The following MBTPS1 variants were observed in gnomAD, a reference collection of about 807,000 sequenced individuals.
MBTPS1 encodes membrane bound transcription factor peptidase, site 1, also known as membrane-bound transcription factor site-1 protease.
MBTPS1 carries 94 observed loss-of-function variants against 127.8 expected under a neutral mutation model. The observed-to-expected ratio is 0.74, with a 90% confidence interval of 0.62 to 0.87. The LOEUF (loss-of-function observed/expected upper bound fraction) is 0.87, where lower values mean the gene tolerates loss of function less well. MBTPS1 is among the 40% of genes least tolerant of loss of function. The probability of loss-of-function intolerance (pLI) is 0.00; values close to 1 mark genes in which losing one functional copy is unlikely to be tolerated. For synonymous variants in MBTPS1, 632 were observed against 509.4 expected, an observed-to-expected ratio of 1.24 and a Z score of -3.24; for missense variants, 1,636 against 1,353.2, an observed-to-expected ratio of 1.21 and a Z score of -3.28.
At chr16:84,082,813 C>T (rs2085960672) in intron 10 of MBTPS1, among the ~76,000 whole-genome samples, 1 of 152,164 alleles carries the variant, frequency 6.6e-6, no homozygotes, top group Non-Finnish European at 1.5e-5. Flanking sequence ...GGTCAACAAT[C>T]TTCCTCCTCT....
chr16:84,058,185 G>C (rs2085548411), intron 21 of MBTPS1: 1 of 152,250 alleles, frequency 6.6e-6, no homozygotes, highest in Non-Finnish European at 1.5e-5. Context: ...ATTTTCCTGT[G>C]TTCTATTAAG....
Position 84,054,385 on chromosome 16 carries a change from G to A in MBTPS1, c.*64C>T, listed in dbSNP as rs1184363351. 6.3e-6 allele frequency: 9 copies of A among 1,430,034 alleles called. No homozygotes were observed. Among genetic ancestry groups the A allele is most frequent in the East Asian group, 4.8e-5 (2 of 41,612 alleles). The allele number at this position is 1,430,034 out of a possible 1,614,324, so 88.6% of individuals were successfully genotyped here. ...TTTAAACCAGCCGCCACCACAGCTC[G>A]GCTCACCCACCAGCGCCGTCCGTGA... On this transcript the variant is annotated 3_prime_UTR_variant, in exon 23 of 23. Coordinates refer to ENST00000343411, the MANE Select transcript of MBTPS1 (RefSeq NM_003791.4).
intron 1 of MBTPS1, among the ~76,000 whole-genome samples, chr16:84,105,502 G>A (rs1189826579): frequency 6.6e-6 from 1 of 152,106 alleles, no homozygotes; most frequent in Non-Finnish European, 1.5e-5. Context: ...CAGCAGCTCT[G>A]GAAGAATCTG....
In MBTPS1 at chr16:84,101,937, T is replaced by C. The variant is rs2086263090; in HGVS notation, c.-154A>G. ...CAACATAAATAAAAGTTAAATCCCA[T>C]GGCCTTTTGTGGTTCAGCCTGAAGA... On this transcript the variant is annotated 5_prime_UTR_variant, in exon 2 of 23. It removes an upstream start codon present in the reference 5' UTR. Coordinates refer to ENST00000343411, the MANE Select transcript of MBTPS1 (RefSeq NM_003791.4). 9.2e-6 allele frequency: 6 copies of C among 654,674 alleles called. No homozygotes were observed. Among genetic ancestry groups the C allele is most frequent in the South Asian group, 4.1e-5 (2 of 49,244 alleles). The allele number at this position is 654,674 out of a possible 1,614,324, so 40.6% of individuals were successfully genotyped here. A position where few individuals can be genotyped will look rare whatever the true frequency, so the allele number is the denominator to read the frequency against.
At chr16:84,114,208 G>C (rs1170003026) in intron 1 of MBTPS1, among the ~76,000 whole-genome samples, 1 of 152,002 alleles carries the variant, frequency 6.6e-6, no homozygotes, top group Admixed American at 6.6e-5. Context: ...TGATCTGCCC[G>C]CCTCGGCCTC....
chr16:84,087,016 T>C (rs1038018847), intron 9 of MBTPS1, among the ~76,000 whole-genome samples: 1 of 152,194 alleles, frequency 6.6e-6, no homozygotes, highest in African/African-American at 2.4e-5. Flanking sequence ...TGAGGAGGAC[T>C]GCTTACCACT....
chr16:84,090,996 TG>T (rs2086097535), intron 7 of MBTPS1, 54 bp from the exon 8 acceptor site: 1 of 883,840 alleles, frequency 1.1e-6, no homozygotes, highest in Non-Finnish European at 1.7e-6. Flanking sequence ...AACATATAAC[TG>T]TCAAAAAAAA....
rs2151146032 is a variant in MBTPS1, at chr16:84,067,909, G to A, written c.2072-86C>T. The A allele has an allele frequency of 2.2e-6, 3 of 1,335,894 alleles. No individual in the cohort carries two copies. In the South Asian group the frequency reaches 4.0e-5, roughly 18 times the overall value. 82.8% of individuals were successfully genotyped at this position (1,335,894 alleles called of 1,614,324 possible). A position where few individuals can be genotyped will look rare whatever the true frequency, so the allele number is the denominator to read the frequency against. The stretch of plus-strand genomic sequence containing the variant: ...GCAGAAACAGTGTCACCAGGTACAT[G>A]TCTCAGGTTACTGACACCTAACAGT... On this transcript the variant is annotated intron_variant, in intron 15 of 22. Coordinates refer to ENST00000343411, the MANE Select transcript of MBTPS1 (RefSeq NM_003791.4).
intron 1 of MBTPS1, among the ~76,000 whole-genome samples, chr16:84,105,892 T>C (rs529891341): frequency 9.2e-5 from 14 of 152,108 alleles, no homozygotes; most frequent in South Asian, 8.3e-4. Context: ...CAAAATACCA[T>C]AGAAATCTCT....
At chr16:84,071,094 C>T (rs1242903380) in intron 12 of MBTPS1, among the ~76,000 whole-genome samples, 1 of 152,064 alleles carries the variant, frequency 6.6e-6, no homozygotes, top group Non-Finnish European at 1.5e-5. Flanking sequence ...ACTAAGAGAA[C>T]TTATATAGAT....
Position 84,063,386 on chromosome 16 carries a change from A to G in MBTPS1, c.2491T>C (p.Tyr831His), listed in dbSNP as rs747506713. 5.0e-6 allele frequency: 8 copies of G among 1,614,044 alleles called. No individual in the cohort carries two copies. The South Asian group carries it at 5.5e-5, about 11-fold the overall frequency. ...CCTCCACCCTCAGCTGGAATCTGATAAAGTCCCAAAATGGGGACGTTTTCA... is the reference window on the plus strand; with the variant it reads ...CCTCCACCCTCAGCTGGAATCTGATGAAGTCCCAAAATGGGGACGTTTTCA... ...VVENVPILGL[Y>H]QIPAEGGGRI... Residue 831 changes from tyrosine to histidine, a missense_variant, in exon 19 of 23, where the codon TAT becomes CAT. By Grantham distance (83) the Tyr-to-His change is moderately conservative. Coordinates refer to ENST00000343411, the MANE Select transcript of MBTPS1 (RefSeq NM_003791.4).
chr16:84,074,645 A>G lies in MBTPS1; in HGVS notation c.1545T>C (p.Asn515=), dbSNP rs745818868. The G allele has an allele frequency of 1.7e-5, 28 of 1,614,094 alleles. No homozygotes were observed. The Admixed American group carries it at 2.7e-4, about 15-fold the overall frequency. The change falls in exon 12 of 23, where the codon AAT becomes AAC. Residue 515 remains asparagine, a synonymous_variant. Coordinates refer to ENST00000343411, the MANE Select transcript of MBTPS1 (RefSeq NM_003791.4). ...IYYGGMPTVV[N]VTILNGMGVT... is the part of the protein sequence containing the mutation. ...CTCCCATGCCGTTGAGGATGGTGAC[A>G]TTAACAACTGTCGGCATTCCTCCAT...
chr16:84,099,368 C>T (rs2086223586), intron 2 of MBTPS1, 58 bp from the exon 3 acceptor site: 2 of 1,515,004 alleles, frequency 1.3e-6, no homozygotes, highest in Non-Finnish European at 1.8e-6. Flanking sequence ...ATAACATATA[C>T]TATATTGTAT....
chr16:84,106,480 G>A (rs1282450634), intron 1 of MBTPS1, among the ~76,000 whole-genome samples: 1 of 152,206 alleles, frequency 6.6e-6, no homozygotes, highest in Non-Finnish European at 1.5e-5. Context: ...CAGGCAGTGG[G>A]AAAGCAAGTG....
chr16:84,065,121 GTTTT>G (rs35734457), intron 18 of MBTPS1, among the ~76,000 whole-genome samples: 1 of 140,024 alleles, frequency 7.1e-6, no homozygotes, highest in Non-Finnish European at 1.6e-5. Flanking sequence ...CTTGAAGGTA[GTTTT>G]TTTTTTTTTT....
chr16:84,092,001 C>G (rs1285219980), intron 6 of MBTPS1, among the ~76,000 whole-genome samples, 153 bp from the exon 7 acceptor site: 1 of 152,108 alleles, frequency 6.6e-6, no homozygotes, highest in Non-Finnish European at 1.5e-5. Flanking sequence ...ATGCATAATG[C>G]TCTGGAGAGT....
Position 84,054,164 on chromosome 16 carries a change from C to T in MBTPS1, c.*285G>A. 3.5e-6 allele frequency: 1 copy of T among 285,398 alleles called. No homozygotes were observed. The highest frequency in any genetic ancestry group is 6.6e-6 in the Non-Finnish European group (1 of 152,518). The allele number at this position is 285,398 out of a possible 1,614,324, so 17.7% of individuals were successfully genotyped here. A position where few individuals can be genotyped will look rare whatever the true frequency, so the allele number is the denominator to read the frequency against. ...TCCCCTGCAGTCAGAAGACCCCAGACAGCCTTTCCAGTTCTCCCGAGTCTT... is the reference window on the plus strand; with the variant it reads ...TCCCCTGCAGTCAGAAGACCCCAGATAGCCTTTCCAGTTCTCCCGAGTCTT... On this transcript the variant is annotated 3_prime_UTR_variant, in exon 23 of 23. Coordinates refer to ENST00000343411, the MANE Select transcript of MBTPS1 (RefSeq NM_003791.4).
intron 12 of MBTPS1, among the ~76,000 whole-genome samples, chr16:84,072,598 T>C (rs2085786656): frequency 6.6e-6 from 1 of 152,186 alleles, no homozygotes; most frequent in South Asian, 2.1e-4. Context: ...GAGACCATCC[T>C]GGCTAACATG....
intron 11 of MBTPS1, among the ~76,000 whole-genome samples, chr16:84,076,978 C>T (rs1194065610): frequency 6.6e-6 from 1 of 152,122 alleles, no homozygotes; most frequent in African/African-American, 2.4e-5. Flanking sequence ...GTCATCCCAG[C>T]ACTTTGGGAG....
Sources: gnomAD v4.1 joint callset for allele counts (sites outside exome capture counted in the v4.1 genomes callset) on GRCh38, gnomAD v4.1.1 for gene constraint, MANE v1.5 for transcripts, NCBI Gene and HGNC (gene_info 2026-07-23, HGNC 2026-07-21) for gene names.